The following AFF1 variants were observed in gnomAD, a reference collection of about 807,000 sequenced individuals.
The protein encoded by AFF1 is ALF transcription elongation factor 1.
AFF1 carries 48 observed loss-of-function variants against 121.7 expected under a neutral mutation model. The ratio of observed to expected loss-of-function variants is 0.39; its 90% CI spans 0.31 to 0.50. AFF1 has a LOEUF of 0.50. Among genes scored for constraint, AFF1 ranks in the 20% least tolerant of loss-of-function variants. The probability of loss-of-function intolerance (pLI) is 0.76; values close to 1 mark genes in which losing one functional copy is unlikely to be tolerated. For synonymous variants in AFF1, 613 were observed against 563.0 expected (o/e 1.09, Z -1.26); for missense variants, 1,523 against 1,511.7 (o/e 1.01, Z -0.12).
intron 2 of AFF1, among the ~76,000 whole-genome samples, chr4:87,022,568 A>AT (rs1728046461): frequency 1.2e-5 from 1 of 84,036 alleles, no homozygotes; most frequent in African/African-American, 5.1e-5. Flanking sequence ...ATATATATAT[A>AT]TATATATATA....
chr4:87,114,808 C>CG lies in AFF1; in HGVS notation c.1978dup (p.Ala660GlyfsTer16). The CG allele has an allele frequency of 6.2e-7, 1 of 1,613,478 alleles. No individual in the cohort carries two copies. The highest frequency in any genetic ancestry group is 8.5e-7 in the Non-Finnish European group (1 of 1,179,746). ...CAAGGTGAAGACGAAAGGACGGCCC[C>CG]GGGCCGCAGCAAGCAACGAACCCAA... On this transcript the variant is annotated frameshift_variant, in exon 12 of 21. Coordinates refer to ENST00000395146, the MANE Select transcript of AFF1 (RefSeq NM_001166693.3). LOFTEE classifies it high-confidence loss of function.
chr4:86,988,199 C>G (rs1260317464), intron 2 of AFF1, among the ~76,000 whole-genome samples: 1 of 152,098 alleles, frequency 6.6e-6, no homozygotes, highest in Non-Finnish European at 1.5e-5. Context: ...CAAACCTTCT[C>G]TTGCAACTGC....
chr4:86,971,139 A>C (rs1170302230), intron 2 of AFF1, among the ~76,000 whole-genome samples: 1 of 152,162 alleles, frequency 6.6e-6, no homozygotes, highest in African/African-American at 2.4e-5. Flanking sequence ...GATGGGGATT[A>C]TCTTTCCCTC....
chr4:87,085,774 A>T (rs1390994613), intron 5 of AFF1, among the ~76,000 whole-genome samples: 1 of 148,534 alleles, frequency 6.7e-6, no homozygotes. Flanking sequence ...TTTGAGACAG[A>T]GTCTCTCTCT....
chr4:86,958,574 C>T (rs145109447), intron 2 of AFF1, among the ~76,000 whole-genome samples: 259 of 151,906 alleles, frequency 1.7e-3, no homozygotes, highest in African/African-American at 5.9e-3. Context: ...AAAAATTAGC[C>T]GGGTGTGGTG....
At chr4:87,007,324 A>G in intron 2 of AFF1, 2 of 1,604,092 alleles carry the variant, frequency 1.2e-6, no homozygotes, top group South Asian at 1.1e-5. Context: ...CGGCTCCGCC[A>G]AATGGTGAGC....
At chr4:86,948,805 G>T (rs910227635) in intron 2 of AFF1, among the ~76,000 whole-genome samples, 19 of 152,068 alleles carry the variant, frequency 1.2e-4, no homozygotes, top group Middle Eastern at 3.2e-3. Flanking sequence ...TAAAAATGTG[G>T]ATGTTAATTT....
chr4:87,067,232 T>C (rs1721447245), intron 4 of AFF1, among the ~76,000 whole-genome samples: 1 of 152,202 alleles, frequency 6.6e-6, no homozygotes, highest in Non-Finnish European at 1.5e-5. Context: ...TGCATTTTAT[T>C]GAGAACATAC....
chr4:86,947,062 G>A (rs985641320), intron 1 of AFF1, among the ~76,000 whole-genome samples: 7 of 152,178 alleles, frequency 4.6e-5, no homozygotes, highest in African/African-American at 1.7e-4. Flanking sequence ...CAAAGGCAGG[G>A]GTAGAGCTAG....
At chr4:86,982,425 G>T (rs1437514846) in intron 2 of AFF1, among the ~76,000 whole-genome samples, 1 of 106,602 alleles carries the variant, frequency 9.4e-6, no homozygotes, top group Non-Finnish European at 1.8e-5. Flanking sequence ...TTTACAAAGT[G>T]CTGTAGTCTG....
intron 11 of AFF1, among the ~76,000 whole-genome samples, chr4:87,112,457 T>C (rs1384526538): frequency 6.6e-6 from 1 of 152,236 alleles, no homozygotes; most frequent in East Asian, 1.9e-4. Context: ...AGGAATTATG[T>C]AGTCATCTTA....
At chr4:86,939,581 G>T (rs1239548339) in intron 1 of AFF1, among the ~76,000 whole-genome samples, 2 of 152,124 alleles carry the variant, frequency 1.3e-5, no homozygotes, top group African/African-American at 2.4e-5. Flanking sequence ...TAAATAGAGG[G>T]CCTTACGGAC....
chr4:86,935,345 C>G (rs561177020), intron 1 of AFF1, 105 bp downstream of exon 1: 35 of 152,616 alleles, frequency 2.3e-4, no homozygotes, highest in African/African-American at 7.9e-4. Context: ...GCCTCTCTGC[C>G]GGCTTCCCAG....
At chr4:87,064,115 G>A (rs549890465) in intron 4 of AFF1, among the ~76,000 whole-genome samples, 1 of 152,226 alleles carries the variant, frequency 6.6e-6, no homozygotes, top group Non-Finnish European at 1.5e-5. Flanking sequence ...GTTGTGAGAA[G>A]TATATGGGGC....
At chr4:86,973,284 G>A (rs1172189369) in intron 2 of AFF1, among the ~76,000 whole-genome samples, 1 of 138,722 alleles carries the variant, frequency 7.2e-6, no homozygotes, top group Non-Finnish European at 1.7e-5. Context: ...GACCAGTTTG[G>A]TTGGATCCCA....
intron 2 of AFF1, among the ~76,000 whole-genome samples, chr4:86,985,855 T>C (rs1329828552): frequency 3.3e-5 from 5 of 151,734 alleles, no homozygotes; most frequent in African/African-American, 1.2e-4. Context: ...GAAAAAGTTA[T>C]TTACAGAAAA....
At chr4:87,089,586 G>A (rs1724089969) in intron 5 of AFF1, among the ~76,000 whole-genome samples, 1 of 152,152 alleles carries the variant, frequency 6.6e-6, no homozygotes, top group South Asian at 2.1e-4. Context: ...TCCAGGAAAT[G>A]CAGTAAAGAA....
At chr4:87,010,830 G>A (rs138919413) in intron 2 of AFF1, among the ~76,000 whole-genome samples, 1 of 152,292 alleles carries the variant, frequency 6.6e-6, no homozygotes, top group East Asian at 1.9e-4. Context: ...GCTCACGCCT[G>A]TAATCCCAGC....
At chr4:87,070,575 C>T (rs868003622) in intron 4 of AFF1, among the ~76,000 whole-genome samples, 19 of 152,240 alleles carry the variant, frequency 1.2e-4, no homozygotes, top group African/African-American at 4.3e-4. Context: ...TGTATGTGTG[C>T]GTATGCATTT....
Sources: allele counts gnomAD v4.1 joint callset (sites outside exome capture counted in the v4.1 genomes callset), GRCh38; gene constraint gnomAD v4.1.1; transcripts MANE v1.5; gene names NCBI Gene and HGNC (gene_info 2026-07-23, HGNC 2026-07-21).